ESRRG: variants seen among roughly 807,000 people sequenced by gnomAD.
The protein encoded by ESRRG is estrogen related receptor gamma.
A neutral mutation model predicts 44.0 loss-of-function variants in ESRRG; 13 were observed. The observed-to-expected ratio is 0.30, with a 90% CI of 0.19 to 0.47. The LOEUF (loss-of-function observed/expected upper bound fraction) is 0.47. ESRRG is among the 20% of genes least tolerant of loss of function. The pLI is 1.00. For synonymous variants in ESRRG, 215 were observed against 214.6 expected, an observed-to-expected ratio of 1.00 and a Z score of -0.02; for missense variants, 395 against 580.6, an observed-to-expected ratio of 0.68 and a Z score of 3.29.
At chr1:216,889,239 G>A (rs2057447710) in intron 2 of ESRRG, among the ~76,000 whole-genome samples, 1 of 152,306 alleles carries the variant, frequency 6.6e-6, no homozygotes, top group East Asian at 1.9e-4. Flanking sequence ...AGCAGGGGTG[G>A]CCCTGACACA....
intron 2 of ESRRG, among the ~76,000 whole-genome samples, chr1:216,751,351 TGA>T (rs2091987476): frequency 6.6e-6 from 1 of 152,170 alleles, no homozygotes; most frequent in Admixed American, 6.6e-5. Context: ...TTAGGGACTG[TGA>T]GAAGAGGTTG....
chr1:216,713,720 T>C (rs1312205178), intron 1 of ESRRG, among the ~76,000 whole-genome samples: 2 of 152,198 alleles, frequency 1.3e-5, no homozygotes, highest in Non-Finnish European at 2.9e-5. Context: ...TAAATCCCTC[T>C]ATTCATAACA....
At chr1:216,792,275 C>A (rs978169543) in intron 2 of ESRRG, among the ~76,000 whole-genome samples, 1 of 152,134 alleles carries the variant, frequency 6.6e-6, no homozygotes, top group African/African-American at 2.4e-5. Flanking sequence ...TTTCTCCAGA[C>A]CTAGTCCTGT....
At chr1:217,060,090 C>A (rs72741487) in intron 1 of ESRRG, among the ~76,000 whole-genome samples, 17,521 of 151,658 alleles carry the variant, frequency 0.12, 1,190 homozygotes, top group Non-Finnish European at 0.14. Context: ...CTTGTCCTGG[C>A]CGGCATACAA....
chr1:217,123,037 A>G (rs1261075236), intron 1 of ESRRG, among the ~76,000 whole-genome samples: 1 of 151,844 alleles, frequency 6.6e-6, no homozygotes, highest in Non-Finnish European at 1.5e-5. Context: ...TGACATATAT[A>G]TTTCGTTGTT....
At chr1:217,132,218 C>G (rs1397402303) in intron 1 of ESRRG, among the ~76,000 whole-genome samples, 1 of 152,164 alleles carries the variant, frequency 6.6e-6, no homozygotes, top group Non-Finnish European at 1.5e-5. Flanking sequence ...TGGTCTCAAA[C>G]TCCCAGAGTC....
intron 1 of ESRRG, among the ~76,000 whole-genome samples, chr1:216,709,277 T>A (rs2083095441): frequency 6.6e-6 from 1 of 151,890 alleles, no homozygotes; most frequent in Non-Finnish European, 1.5e-5. Context: ...CATTTGCATG[T>A]GTTCAAAGAA....
Position 217,018,911 on chromosome 1 carries a change from C to T in ESRRG, c.-106+70596G>A, listed in dbSNP as rs11572433. Among the ~76,000 whole-genome samples, 1,122 of 152,288 alleles carry T rather than the reference C, an allele frequency of 7.4e-3. 30 individuals carry two copies. Among genetic ancestry groups the T allele is most frequent in the Admixed American group, 0.044 (665 of 15,284 alleles). Reference sequence around the variant, plus strand: ...TTATGCATCTACTCCTCTTCCCAGACTCTTAAATAGGCATCCCTGGTACAG... The same window carrying T: ...TTATGCATCTACTCCTCTTCCCAGATTCTTAAATAGGCATCCCTGGTACAG... On this transcript the variant is annotated intron_variant, in intron 1 of 7. Coordinates refer to the ESRRG transcript ENST00000359162.
chr1:216,753,403 T>C (rs2092222991), intron 2 of ESRRG, among the ~76,000 whole-genome samples: 1 of 152,046 alleles, frequency 6.6e-6, no homozygotes, highest in South Asian at 2.1e-4. Flanking sequence ...AGGTTGGAAT[T>C]TATGAGACAT....
At chr1:216,776,326 C>G (rs182244264) in intron 2 of ESRRG, among the ~76,000 whole-genome samples, 2 of 152,034 alleles carry the variant, frequency 1.3e-5, no homozygotes, top group Non-Finnish European at 2.9e-5. Context: ...ACACATTTTC[C>G]CTGACTTAAC....
chr1:216,557,570 C>T (rs893765301), intron 5 of ESRRG, among the ~76,000 whole-genome samples: 1 of 152,056 alleles, frequency 6.6e-6, no homozygotes, highest in Admixed American at 6.6e-5. Flanking sequence ...AACTTACCTA[C>T]AGAATTGTTG....
At chr1:216,625,100 T>A (rs1352318378) in intron 3 of ESRRG, among the ~76,000 whole-genome samples, 1 of 152,180 alleles carries the variant, frequency 6.6e-6, no homozygotes, top group East Asian at 1.9e-4. Flanking sequence ...GATCATCTTA[T>A]ACGTGGGCCA....
chr1:217,035,417 T>C (rs1390876445), intron 1 of ESRRG, among the ~76,000 whole-genome samples: 2 of 150,034 alleles, frequency 1.3e-5, no homozygotes, highest in Non-Finnish European at 3.0e-5. Context: ...AGTGGGTACA[T>C]AAGATCTCAG....
In ESRRG at chr1:216,507,179, G is replaced by A. The variant is rs1219544546; in HGVS notation, c.1137C>T (p.Ser379=). 4 of 1,604,904 alleles carry A rather than the reference G, an allele frequency of 2.5e-6. No homozygotes were observed. Among genetic ancestry groups the A allele is most frequent in the South Asian group, 1.1e-5 (1 of 90,270 alleles). ...CGGCTTCAACATCTTCTATGTGCAT[G>A]GAGTCTGTGCAATGAAGCAAAAGAT... ...LKAIALANSD[S]MHIEDVEAVQ... Residue 379 remains serine, a synonymous_variant, in exon 7 of 7, where the codon TCC becomes TCT. Transcript: ENST00000408911.
chr1:216,932,293 G>T (rs1334986138), intron 2 of ESRRG, among the ~76,000 whole-genome samples: 1 of 151,890 alleles, frequency 6.6e-6, no homozygotes, highest in Non-Finnish European at 1.5e-5. Context: ...TACACAAGAA[G>T]TTTCAACAAA....
chr1:216,912,237 A>AGGGGAGGG (rs2060537776), intron 2 of ESRRG, among the ~76,000 whole-genome samples: 1 of 42,028 alleles, frequency 2.4e-5, no homozygotes, highest in Non-Finnish European at 4.7e-5. Context: ...AGAGGAGAGG[A>AGGGGAGGG]GAGGAGAGGA....
At chr1:216,626,179 C>T (rs1467635169) in intron 3 of ESRRG, among the ~76,000 whole-genome samples, 1 of 152,194 alleles carries the variant, frequency 6.6e-6, no homozygotes, top group East Asian at 1.9e-4. Context: ...TGCAGTGCTT[C>T]ACATTTCTTT....
At chr1:216,866,604 C>T (rs528824405) in intron 2 of ESRRG, among the ~76,000 whole-genome samples, 4 of 150,718 alleles carry the variant, frequency 2.7e-5, no homozygotes, top group South Asian at 2.1e-4. Flanking sequence ...TAGGGTCTTA[C>T]TCCATCACTC....
chr1:216,640,386 T>G (rs2066151513), intron 3 of ESRRG, among the ~76,000 whole-genome samples: 2 of 152,044 alleles, frequency 1.3e-5, no homozygotes, highest in Admixed American at 1.3e-4. Context: ...CCTAGCCTGC[T>G]TCTCATCATT....
Sources: gnomAD v4.1 joint callset for allele counts (sites outside exome capture counted in the v4.1 genomes callset) on GRCh38, gnomAD v4.1.1 for gene constraint, MANE v1.5 for transcripts, NCBI Gene and HGNC (gene_info 2026-07-23, HGNC 2026-07-21) for gene names.